FGF12: variants seen among roughly 807,000 people sequenced by gnomAD.
FGF12 encodes the protein fibroblast growth factor 12, also known as fibroblast growth factor 12B.
FGF12 carries 14 observed loss-of-function variants against 23.6 expected under a neutral mutation model. That is an observed-to-expected ratio of 0.59 (90% CI 0.39 to 0.93). The LOEUF is 0.93. FGF12 is among the 40% of genes least tolerant of loss of function. FGF12 has a pLI of 0.00. For synonymous variants in FGF12, 62 were observed against 77.3 expected, an observed-to-expected ratio of 0.80 and a Z score of 1.04; for missense variants, 175 against 217.8, an observed-to-expected ratio of 0.80 and a Z score of 1.24.
At chr3:192,598,506 A>G (rs975447365) in intron 2 of FGF12, among the ~76,000 whole-genome samples, 5 of 152,184 alleles carry the variant, frequency 3.3e-5, no homozygotes, top group African/African-American at 4.8e-5. Context: ...TTGTTTGCTC[A>G]CTAGTCAAGG....
At chr3:192,696,153 C>CTTT (rs66508726) in intron 2 of FGF12, among the ~76,000 whole-genome samples, 2 of 140,782 alleles carry the variant, frequency 1.4e-5, no homozygotes, top group Admixed American at 7.1e-5. Flanking sequence ...CTAAGCTCAG[C>CTTT]TTTTTTTTTT....
intron 2 of FGF12, among the ~76,000 whole-genome samples, chr3:192,535,832 T>G (rs1187367938): frequency 1.3e-5 from 2 of 152,152 alleles, no homozygotes; most frequent in Non-Finnish European, 2.9e-5. Context: ...TAAACATACA[T>G]ATGCACGTTT....
chr3:192,727,304 C>T lies in FGF12; in HGVS notation c.-111G>A. 1 of 1,551,438 alleles carries T rather than the reference C, an allele frequency of 6.4e-7. No individual in the cohort carries two copies. On this transcript the variant is annotated 5_prime_UTR_variant, in exon 2 of 6. Transcript: ENST00000445105. The stretch of plus-strand genomic sequence containing the variant: ...AATCTGATGATTTCGCCCGTACTTC[C>T]TTCCTTCCCCTCAGGCTTCCTGAAA...
chr3:192,477,720 T>G (rs1284218777), intron 2 of FGF12, among the ~76,000 whole-genome samples: 1 of 152,130 alleles, frequency 6.6e-6, no homozygotes, highest in African/African-American at 2.4e-5. Flanking sequence ...AAAAATTAGC[T>G]ATAAATTATT....
At chr3:192,657,205 T>C (rs995791239) in intron 2 of FGF12, among the ~76,000 whole-genome samples, 1 of 152,104 alleles carries the variant, frequency 6.6e-6, no homozygotes, top group African/African-American at 2.4e-5. Context: ...ATATAACGTA[T>C]TGAACATAAT....
chr3:192,340,538 T>A (rs1168570429), intron 3 of FGF12, among the ~76,000 whole-genome samples: 6 of 152,186 alleles, frequency 3.9e-5, no homozygotes, highest in Non-Finnish European at 8.8e-5. Context: ...CATTCAAAGA[T>A]CTTCTTAAAC....
At chr3:192,615,473 A>G (rs1014193191) in intron 2 of FGF12, among the ~76,000 whole-genome samples, 1 of 151,386 alleles carries the variant, frequency 6.6e-6, no homozygotes, top group Non-Finnish European at 1.5e-5. Context: ...CCATTTCCTC[A>G]CCCCTTACCA....
intron 3 of FGF12, among the ~76,000 whole-genome samples, chr3:192,357,620 T>G (rs1005601166): frequency 6.6e-6 from 1 of 152,092 alleles, no homozygotes; most frequent in South Asian, 2.1e-4. Flanking sequence ...GAGACGTTCA[T>G]GCACCTAGTC....
intron 2 of FGF12, among the ~76,000 whole-genome samples, chr3:192,434,251 G>A (rs940864366): frequency 1.3e-5 from 2 of 152,194 alleles, no homozygotes; most frequent in Non-Finnish European, 2.9e-5. Context: ...GTGAGGAACT[G>A]ATGAAGCTGT....
chr3:192,581,420 G>A (rs12629269), intron 2 of FGF12, among the ~76,000 whole-genome samples: 2 of 148,910 alleles, frequency 1.3e-5, no homozygotes, highest in Admixed American at 1.3e-4. Flanking sequence ...ATATATATAT[G>A]TGTGTGTATA....
At chr3:192,255,781 G>A (rs764452699) in intron 4 of FGF12, among the ~76,000 whole-genome samples, 17 of 151,924 alleles carry the variant, frequency 1.1e-4, no homozygotes, top group Non-Finnish European at 2.2e-4. Context: ...TTTACTAAAC[G>A]TAGCCATGCA....
intron 2 of FGF12, among the ~76,000 whole-genome samples, chr3:192,485,073 T>G (rs150037139): frequency 6.7e-6 from 1 of 150,008 alleles, no homozygotes; most frequent in African/African-American, 2.4e-5. Context: ...TACACATAAA[T>G]TTTAAAATTT....
intron 4 of FGF12, among the ~76,000 whole-genome samples, chr3:192,204,013 C>A (rs367939747): frequency 2.6e-5 from 4 of 151,666 alleles, no homozygotes; most frequent in Admixed American, 6.6e-5. Flanking sequence ...AAGAATTTGT[C>A]GTTAAAAAAA....
At chr3:192,457,302 C>T (rs540560471) in intron 2 of FGF12, among the ~76,000 whole-genome samples, 3 of 152,280 alleles carry the variant, frequency 2.0e-5, no homozygotes, top group South Asian at 4.1e-4. Context: ...GACTTTGGAA[C>T]TGGGTAACAG....
intron 4 of FGF12, among the ~76,000 whole-genome samples, chr3:192,322,907 A>G (rs1716625487): frequency 1.3e-5 from 2 of 152,196 alleles, no homozygotes; most frequent in African/African-American, 4.8e-5. Context: ...GAAATCTGGC[A>G]AAAGATCTGA....
chr3:192,237,696 C>T (rs1048268501), intron 4 of FGF12, among the ~76,000 whole-genome samples: 1 of 152,098 alleles, frequency 6.6e-6, no homozygotes, highest in East Asian at 1.9e-4. Flanking sequence ...CAGTTTGTTT[C>T]TTTCTTAAAA....
intron 2 of FGF12, among the ~76,000 whole-genome samples, chr3:192,401,260 T>C (rs1350589114): frequency 3.3e-5 from 5 of 152,224 alleles, no homozygotes; most frequent in Non-Finnish European, 1.5e-5. Flanking sequence ...TCTCTTTTGA[T>C]ATCTTATTGT....
intron 2 of FGF12, among the ~76,000 whole-genome samples, chr3:192,510,567 C>A (rs1724439170): frequency 6.6e-6 from 1 of 152,184 alleles, no homozygotes; most frequent in Non-Finnish European, 1.5e-5. Flanking sequence ...TTGACACTGT[C>A]TTACCAAACT....
At chr3:192,299,717 G>C (rs1715234168) in intron 4 of FGF12, among the ~76,000 whole-genome samples, 2 of 152,078 alleles carry the variant, frequency 1.3e-5, no homozygotes, top group Admixed American at 1.3e-4. Context: ...AATATTACCT[G>C]ATGAGTTTAC....
Sources: allele counts gnomAD v4.1 joint callset (sites outside exome capture counted in the v4.1 genomes callset), GRCh38; gene constraint gnomAD v4.1.1; transcripts MANE v1.5; gene names NCBI Gene and HGNC (gene_info 2026-07-23, HGNC 2026-07-21).